TMTC4: variants seen among roughly 807,000 people sequenced by gnomAD.
The protein encoded by TMTC4 is transmembrane O-mannosyltransferase targeting cadherins 4, also known as protein O-mannosyl-transferase TMTC4.
In TMTC4, 65 loss-of-function variants were observed where a neutral mutation model predicts 86.0. The observed-to-expected ratio is 0.76, with a 90% CI of 0.62 to 0.93. The LOEUF (loss-of-function observed/expected upper bound fraction) is 0.93. TMTC4 is among the 40% of genes least tolerant of loss of function. TMTC4 has a pLI of 0.00. For missense variants in TMTC4, 866 were observed against 948.1 expected (o/e 0.91, Z 1.14); for synonymous variants, 379 against 382.5 (o/e 0.99, Z 0.11).
chr13:100,639,737 C>T lies in TMTC4; in HGVS notation c.742-1715G>A, dbSNP rs934949909. On this transcript the variant is annotated intron_variant, in intron 7 of 18. Coordinates refer to ENST00000342624, the MANE Select transcript of TMTC4 (RefSeq NM_032813.5). ...GGTGGATCACCTGAGGTCAGGAGTTCGAGACCAGCCTGGCCAACATGGTAA... is the reference window on the plus strand; with the variant it reads ...GGTGGATCACCTGAGGTCAGGAGTTTGAGACCAGCCTGGCCAACATGGTAA... Among the ~76,000 whole-genome samples, 53 of 152,042 alleles carry T rather than the reference C, an allele frequency of 3.5e-4. 1 individual carries two copies. The highest frequency in any genetic ancestry group is 2.3e-3 in the Admixed American group (35 of 15,280).
intron 15 of TMTC4, among the ~76,000 whole-genome samples, chr13:100,616,708 C>A (rs1203018607): frequency 1.3e-5 from 2 of 152,166 alleles, no homozygotes; most frequent in Admixed American, 6.5e-5. Flanking sequence ...ATAACAGCCA[C>A]TCTGACTGGT....
At chr13:100,669,824 T>C (rs1886866806) in intron 2 of TMTC4, among the ~76,000 whole-genome samples, 1 of 152,148 alleles carries the variant, frequency 6.6e-6, no homozygotes, top group African/African-American at 2.4e-5. Context: ...TTTCTTTGGA[T>C]TTACCAGGAT....
rs371674319 is a variant in TMTC4, at chr13:100,673,572, G to C, written c.-208+1172C>G. 3.5e-4 allele frequency among the ~76,000 whole-genome samples: 53 copies of C among 152,360 alleles called. 1 individual carries two copies. The South Asian group carries it at 0.011, about 31-fold the overall frequency. ...CAGACCCTGGGCCCCTCAAGGCAGG[G>C]GCGCGAGCCACCACCACCGCCCTCC... On this transcript the variant is annotated intron_variant, in intron 1 of 18. Coordinates refer to ENST00000342624, the MANE Select transcript of TMTC4 (RefSeq NM_032813.5).
chr13:100,615,645 G>C (rs528493505), intron 15 of TMTC4, among the ~76,000 whole-genome samples: 58 of 151,538 alleles, frequency 3.8e-4, no homozygotes, highest in Non-Finnish European at 7.4e-4. Context: ...TAGAGATGGG[G>C]TTTCACGATG....
chr13:100,675,004 G>A (rs555207515), upstream of TMTC4: 10 of 985,604 alleles, frequency 1.0e-5, no homozygotes, highest in South Asian at 4.7e-4. Flanking sequence ...ATTGGCGGAC[G>A]CGCCGGTGAC....
In TMTC4 at chr13:100,634,832, A is replaced by G. The variant is rs1881970470; in HGVS notation, c.1479T>C (p.Ala493=). ...TAGCATTGAGGGGACACACAGACAG[A>G]GCACTTCTGAAAAGCTGTTCCTCAC... ...WRSEEQLFRS[A]LSVCPLNAKV... is the part of the protein sequence containing the mutation. The change falls in exon 12 of 19, where the codon GCT becomes GCC. Residue 493 remains alanine, a synonymous_variant. Transcript: ENST00000342624. 2 of 1,614,076 alleles carry G rather than the reference A, an allele frequency of 1.2e-6. No individual in the cohort carries two copies. Among genetic ancestry groups the G allele is most frequent in the Non-Finnish European group, 1.7e-6 (2 of 1,180,052 alleles).
chr13:100,654,498 T>C (rs1441584111), intron 6 of TMTC4, among the ~76,000 whole-genome samples: 1 of 152,172 alleles, frequency 6.6e-6, no homozygotes, highest in Non-Finnish European at 1.5e-5. Context: ...TTGGTGTTGG[T>C]TTCTTGCCAA....
chr13:100,651,144 G>C (rs181188071), intron 6 of TMTC4, among the ~76,000 whole-genome samples: 1 of 152,242 alleles, frequency 6.6e-6, no homozygotes, highest in Non-Finnish European at 1.5e-5. Flanking sequence ...CACTATAAAT[G>C]AGAATAAATT....
At chr13:100,613,077 CA>C (rs530045694) in intron 16 of TMTC4, among the ~76,000 whole-genome samples, 108 of 152,302 alleles carry the variant, frequency 7.1e-4, no homozygotes, top group Non-Finnish European at 1.4e-3. Context: ...ACCATCGCCT[CA>C]AATATTGATC....
Position 100,635,440 on chromosome 13 carries a change from C to G in TMTC4, c.1203-245G>C, listed in dbSNP as rs113979495. 2.1e-3 allele frequency among the ~76,000 whole-genome samples: 313 copies of G among 152,268 alleles called. 1 individual carries two copies. Among genetic ancestry groups the G allele is most frequent in the South Asian group, 0.019 (91 of 4,818 alleles). On this transcript the variant is annotated intron_variant, in intron 10 of 18. Coordinates refer to ENST00000342624, the MANE Select transcript of TMTC4 (RefSeq NM_032813.5). ...CTAAGGGTAAAACTCAAAAGCCATA[C>G]AATTCGTATGGAGAAAATTAGCATG...
chr13:100,611,534 G>A (rs1877578366), intron 17 of TMTC4, among the ~76,000 whole-genome samples: 1 of 152,180 alleles, frequency 6.6e-6, no homozygotes, highest in Non-Finnish European at 1.5e-5. Context: ...GCAGAGAGCC[G>A]AGATGGCGCC....
intron 15 of TMTC4, chr13:100,624,953 G>C (rs1385853054): frequency 2.0e-5 from 3 of 152,460 alleles, no homozygotes; most frequent in African/African-American, 7.2e-5. Context: ...AGAGCAATCA[G>C]ATCTTCGTAA....
intron 6 of TMTC4, among the ~76,000 whole-genome samples, chr13:100,645,839 AG>A (rs972253377): frequency 6.6e-6 from 1 of 151,950 alleles, no homozygotes; most frequent in African/African-American, 2.4e-5. Flanking sequence ...CTTTTTTTGG[AG>A]GGGGGTTGCC....
chr13:100,645,808 T>C (rs541078393), intron 6 of TMTC4, among the ~76,000 whole-genome samples: 10 of 152,298 alleles, frequency 6.6e-5, no homozygotes, highest in Non-Finnish European at 1.5e-4. Context: ...ACCTCGGCAC[T>C]CATCACATGT....
chr13:100,646,379 AATC>A (rs1186499227), intron 6 of TMTC4, among the ~76,000 whole-genome samples: 2 of 152,160 alleles, frequency 1.3e-5, no homozygotes, highest in Non-Finnish European at 2.9e-5. Context: ...GCTCCCGACA[AATC>A]ATGGAACCGC....
upstream of TMTC4, chr13:100,674,990 G>C (rs1887688134): frequency 1.1e-5 from 11 of 985,596 alleles, no homozygotes; most frequent in South Asian, 5.2e-4. Flanking sequence ...TCCCTCCTCA[G>C]CTCATTGGCG....
chr13:100,674,810 C>T, upstream of TMTC4: 1 of 981,126 alleles, frequency 1.0e-6, no homozygotes. Context: ...GCTCCAGGCA[C>T]CCGCCCGGAC....
At chr13:100,659,560 G>C (rs1370997697) in intron 5 of TMTC4, among the ~76,000 whole-genome samples, 2 of 152,018 alleles carry the variant, frequency 1.3e-5, no homozygotes, top group Admixed American at 1.3e-4. Flanking sequence ...CTGTCCTCAG[G>C]GAAGCGCTGG....
intron 2 of TMTC4, among the ~76,000 whole-genome samples, chr13:100,669,290 A>G (rs1886778690): frequency 6.6e-6 from 1 of 152,204 alleles, no homozygotes. Flanking sequence ...ATTCAGGCAC[A>G]CAGGCCAGGG....
Sources: gnomAD v4.1 joint callset for allele counts (sites outside exome capture counted in the v4.1 genomes callset) on GRCh38, gnomAD v4.1.1 for gene constraint, MANE v1.5 for transcripts, NCBI Gene and HGNC (gene_info 2026-07-23, HGNC 2026-07-21) for gene names.